Variants in LMF1 observed in about 807,000 individuals in gnomAD.
LMF1 encodes the protein lipase maturation factor 1.
Under a neutral mutation model 60.6 loss-of-function variants are expected in LMF1, and 68 were observed. The ratio of observed to expected loss-of-function variants is 1.12; its 90% CI spans 0.92 to 1.37. The LOEUF (loss-of-function observed/expected upper bound fraction) is 1.37, where lower values mean the gene tolerates loss of function less well. Among genes scored for constraint, LMF1 ranks in the 40% most tolerant of loss-of-function variants. LMF1 has a pLI of 0.00. For synonymous variants in LMF1, 418 were observed against 324.7 expected (o/e 1.29, Z -3.09); for missense variants, 948 against 767.2 (o/e 1.24, Z -2.78).
intron 4 of LMF1, among the ~76,000 whole-genome samples, chr16:894,683 G>T (rs1385569408): frequency 6.6e-6 from 1 of 152,212 alleles, no homozygotes; most frequent in Non-Finnish European, 1.5e-5. Context: ...GTGGGCTCTG[G>T]GGCAGCCGCA....
rs201579387 is a variant in LMF1, at chr16:962,242, GAC to G, written c.194-7578_194-7577del. On this transcript the variant is annotated intron_variant, in intron 1 of 10. Transcript: ENST00000262301. This position sits in a 1 kb window ranked among gnomAD's most constrained non-coding sequence, Gnocchi z 4.5. Reference sequence around the variant, plus strand: ...GGTGACAGCATGGGATCACGACCCAGACACAGACTCACGGTGACAGCACGGGA... The same window carrying G: ...GGTGACAGCATGGGATCACGACCCAGACAGACTCACGGTGACAGCACGGGA... Among the ~76,000 whole-genome samples, 1 of 149,450 alleles carries G rather than the reference GAC, an allele frequency of 6.7e-6. No individual in the cohort carries two copies. Among genetic ancestry groups the G allele is most frequent in the African/African-American group, 2.5e-5 (1 of 40,484 alleles).
In LMF1 at chr16:870,851, C is replaced by T. The variant is rs370181310; in HGVS notation, c.1110G>A (p.Ser370=). Residue 370 remains serine (S), a synonymous_variant, in exon 8 of 11, where the codon TCG becomes TCA. Transcript: ENST00000262301. ...TGAGCCAGGCCAGCAGGACGCCCAG[C>T]GAGACGTTGGCTGCACGCCGCACCA... ...GSVVRRAANV[S]LGVLLAWLSV... is the part of the protein sequence containing the mutation. The T allele has an allele frequency of 6.3e-5, 101 of 1,610,766 alleles. No individual in the cohort carries two copies. The South Asian group carries it at 7.2e-4, about 12-fold the overall frequency.
intron 5 of LMF1, among the ~76,000 whole-genome samples, chr16:889,723 G>A (rs1433420605): frequency 6.6e-6 from 1 of 152,206 alleles, no homozygotes; most frequent in African/African-American, 2.4e-5. Context: ...GGGGTTGCAG[G>A]CAGGGGCCTG....
chr16:931,269 G>A (rs2151783027), intron 3 of LMF1, among the ~76,000 whole-genome samples: 1 of 152,370 alleles, frequency 6.6e-6, no homozygotes, highest in South Asian at 2.1e-4. Flanking sequence ...GTGCCCAGTG[G>A]CCGGGCTGGG....
intron 6 of LMF1, among the ~76,000 whole-genome samples, chr16:879,218 G>C (rs2070086923): frequency 6.6e-6 from 1 of 152,202 alleles, no homozygotes; most frequent in South Asian, 2.1e-4. Context: ...TAGAATGGAA[G>C]AATCTTAGGA....
chr16:926,169 C>T (rs59347214), intron 3 of LMF1, among the ~76,000 whole-genome samples: 33,626 of 151,556 alleles, frequency 0.22, 4,355 homozygotes, highest in African/African-American at 0.33. Context: ...TGTGCATACG[C>T]GTGTGCACAC....
intron 3 of LMF1, among the ~76,000 whole-genome samples, chr16:917,681 G>A (rs1378235281): frequency 1.3e-5 from 2 of 152,224 alleles, no homozygotes; most frequent in African/African-American, 4.8e-5. Flanking sequence ...CCCCCGTACC[G>A]GGGCTGTTTG....
At chr16:933,802 G>A (rs762579351) in intron 3 of LMF1, 10 of 443,358 alleles carry the variant, frequency 2.3e-5, no homozygotes, top group Admixed American at 3.7e-5. Flanking sequence ...TATTGACTGC[G>A]TTGTGTGGGA....
rs149535757 is a variant in LMF1, at chr16:874,258, C to T, written c.898-2917G>A. Among the ~76,000 whole-genome samples the T allele has an allele frequency of 7.5e-3, 1,129 of 149,980 alleles. 8 individuals carry two copies. Among genetic ancestry groups the T allele is most frequent in the African/African-American group, 0.026 (1,070 of 41,202 alleles). On this transcript the variant is annotated intron_variant, in intron 6 of 10. Coordinates refer to ENST00000262301, the MANE Select transcript of LMF1 (RefSeq NM_022773.4). This position sits in a 1 kb window ranked among gnomAD's most constrained non-coding sequence, Gnocchi z 4.1. ...CTCTGGGACAGAGCCTCAGGACAGC[C>T]GGCCTGTGTGTGCGGGGCTGGCAGG...
chr16:870,652 C>T (rs2069755639), intron 8 of LMF1, 77 bp downstream of exon 8: 8 of 1,549,574 alleles, frequency 5.2e-6, no homozygotes, highest in Non-Finnish European at 7.1e-6. Context: ...GCACTGTAAC[C>T]CCACCTGAAT....
upstream of LMF1, chr16:981,349 T>TGA (rs1236928535): frequency 2.5e-3 from 151 of 60,974 alleles, 1 homozygote; most frequent in East Asian, 0.018. Context: ...AGAGAGAGAG[T>TGA]GTGTGTGTGT....
intron 3 of LMF1, among the ~76,000 whole-genome samples, chr16:912,194 T>C (rs12600117): frequency 0.012 from 1,829 of 151,878 alleles, 20 homozygotes; most frequent in South Asian, 0.095. Flanking sequence ...ACAGAGCGGA[T>C]GGGAGAGTGC....
Position 954,594 on chromosome 16 carries a change from A to C in LMF1, c.266T>G (p.Val89Gly). ...IGDRGLLPCR[V>G]FLKNFQQYFQ... ...GTACTGCTGGAAGTTCTTCAGGAACACTCTGCAGGGAAGCAGCCCCCTGTC... is the reference window on the plus strand; with the variant it reads ...GTACTGCTGGAAGTTCTTCAGGAACCCTCTGCAGGGAAGCAGCCCCCTGTC... The change falls in exon 2 of 11, where the codon GTG becomes GGG. Residue 89 changes from valine to glycine, a missense_variant. Coordinates refer to ENST00000262301, the MANE Select transcript of LMF1 (RefSeq NM_022773.4). The C allele has an allele frequency of 6.2e-7, 1 of 1,612,578 alleles. No homozygotes were observed. The highest frequency in any genetic ancestry group is 1.3e-5 in the African/African-American group (1 of 75,030).
At chr16:981,102 G>A (rs1374677621) in intron 1 of LMF1, 3 of 376,168 alleles carry the variant, frequency 8.0e-6, no homozygotes, top group African/African-American at 2.2e-5. Flanking sequence ...AGGGCGGCCC[G>A]GGGTCCCCCA....
intron 5 of LMF1, among the ~76,000 whole-genome samples, chr16:888,742 G>T (rs2070386079): frequency 6.6e-6 from 1 of 152,156 alleles, no homozygotes; most frequent in African/African-American, 2.4e-5. Context: ...GCACTGGGGG[G>T]GGTCCTAGGT....
At chr16:863,841 T>G (rs2069537633) in intron 10 of LMF1, among the ~76,000 whole-genome samples, 1 of 152,212 alleles carries the variant, frequency 6.6e-6, no homozygotes, top group South Asian at 2.1e-4. Flanking sequence ...TTCTAAAATC[T>G]CAGGTCTCTT....
At chr16:917,418 C>G (rs1359513437) in intron 3 of LMF1, among the ~76,000 whole-genome samples, 1 of 142,592 alleles carries the variant, frequency 7.0e-6, no homozygotes, top group Non-Finnish European at 1.5e-5. Flanking sequence ...TGAAGAAATG[C>G]CACACGTGTG....
chr16:975,891 C>T (rs1221018640), upstream of LMF1: 3 of 451,684 alleles, frequency 6.6e-6, no homozygotes, highest in Non-Finnish European at 1.3e-5. Flanking sequence ...TCCTTTGTGG[C>T]ATGCTTATTT....
intron 4 of LMF1, chr16:899,556 C>T (rs2070752814): frequency 6.6e-6 from 1 of 152,230 alleles, no homozygotes; most frequent in Admixed American, 6.5e-5. Flanking sequence ...CCTGGCCTCA[C>T]AGGGCTGCAT....
Sources: allele counts gnomAD v4.1 joint callset (sites outside exome capture counted in the v4.1 genomes callset), GRCh38; gene constraint gnomAD v4.1.1; non-coding constraint Gnocchi (gnomAD v3.1); transcripts MANE v1.5; gene names NCBI Gene and HGNC (gene_info 2026-07-23, HGNC 2026-07-21).